The following PTPN14 variants were observed in gnomAD, a reference collection of about 807,000 sequenced individuals.
PTPN14 encodes the protein protein tyrosine phosphatase non-receptor type 14.
Under a neutral mutation model 126.8 loss-of-function variants are expected in PTPN14, and 53 were observed. The observed-to-expected ratio is 0.42, with a 90% CI of 0.34 to 0.53. The LOEUF is 0.53. Among genes scored for constraint, PTPN14 ranks in the 20% least tolerant of loss-of-function variants. The probability of loss-of-function intolerance (pLI) is 0.08; values close to 1 mark genes in which losing one functional copy is unlikely to be tolerated. For synonymous variants in PTPN14, 630 were observed against 599.3 expected, an observed-to-expected ratio of 1.05 and a Z score of -0.75; for missense variants, 1,257 against 1,552.9, an observed-to-expected ratio of 0.81 and a Z score of 3.20.
At chr1:214,532,489 T>C in intron 1 of PTPN14, 2 of 879,778 alleles carry the variant, frequency 2.3e-6, no homozygotes, top group South Asian at 2.6e-5. Context: ...AGCCTGGAGA[T>C]CGAGAACTGG....
At chr1:214,411,886 C>T in intron 4 of PTPN14, 135 bp from the exon 5 acceptor site, 1 of 505,950 alleles carries the variant, frequency 2.0e-6, no homozygotes. Flanking sequence ...AAAATAGTGC[C>T]AAGATATGTT....
intron 1 of PTPN14, among the ~76,000 whole-genome samples, chr1:214,490,589 T>C (rs889045515): frequency 1.3e-5 from 2 of 151,836 alleles, no homozygotes; most frequent in South Asian, 4.2e-4. Context: ...GTAATCTCAA[T>C]ACTTTGGGAG....
At chr1:214,379,116 G>A (rs1430337861) in intron 13 of PTPN14, among the ~76,000 whole-genome samples, 2 of 152,170 alleles carry the variant, frequency 1.3e-5, no homozygotes, top group African/African-American at 4.8e-5. Context: ...TGTCTTTGAA[G>A]TTAAGGGAAG....
chr1:214,363,159 C>T (rs1410588050), intron 18 of PTPN14, among the ~76,000 whole-genome samples: 2 of 152,232 alleles, frequency 1.3e-5, no homozygotes, highest in Non-Finnish European at 2.9e-5. Flanking sequence ...TCAACTGATT[C>T]CATGATGAAC....
intron 3 of PTPN14, among the ~76,000 whole-genome samples, chr1:214,441,452 A>G (rs1277140041): frequency 2.0e-5 from 3 of 152,192 alleles, no homozygotes; most frequent in African/African-American, 7.2e-5. Flanking sequence ...TGGATGTAGC[A>G]CATCTGTCAC....
chr1:214,470,862 T>C (rs1295924279), intron 1 of PTPN14, among the ~76,000 whole-genome samples: 2 of 124,800 alleles, frequency 1.6e-5, no homozygotes, highest in Non-Finnish European at 3.3e-5. Flanking sequence ...AAAAAAAATA[T>C]ATATATATAA....
At chr1:214,453,709 G>A (rs966668255) in intron 2 of PTPN14, among the ~76,000 whole-genome samples, 3 of 152,114 alleles carry the variant, frequency 2.0e-5, no homozygotes, top group African/African-American at 7.2e-5. Flanking sequence ...TTTTTCATCA[G>A]CACTACTGAC....
At chr1:214,466,474 T>G (rs960378249) in intron 1 of PTPN14, among the ~76,000 whole-genome samples, 1 of 152,350 alleles carries the variant, frequency 6.6e-6, no homozygotes, top group East Asian at 1.9e-4. Flanking sequence ...CAAGACTTAC[T>G]GACACCCTGA....
At chr1:214,434,182 T>C (rs997035175) in intron 3 of PTPN14, among the ~76,000 whole-genome samples, 3 of 152,004 alleles carry the variant, frequency 2.0e-5, no homozygotes, top group African/African-American at 4.8e-5. Context: ...TTGAGCTGTA[T>C]TGCACAGCAA....
intron 1 of PTPN14, among the ~76,000 whole-genome samples, chr1:214,544,870 G>A (rs1655930491): frequency 6.6e-6 from 1 of 151,962 alleles, no homozygotes; most frequent in Admixed American, 6.6e-5. Flanking sequence ...GAAAAAAGAG[G>A]AGGGAAGGGG....
intron 3 of PTPN14, among the ~76,000 whole-genome samples, chr1:214,430,206 C>T (rs887973621): frequency 6.6e-6 from 1 of 152,122 alleles, no homozygotes; most frequent in African/African-American, 2.4e-5. Flanking sequence ...TCACACTTTC[C>T]GCTCATCCAT....
chr1:214,491,059 C>T lies in PTPN14; in HGVS notation c.-154-26102G>A, dbSNP rs985355619. On this transcript the variant is annotated intron_variant, in intron 1 of 18. Transcript: ENST00000366956. ...GAAGAAAGAAAGAAAGAAAGAAAAA[C>T]AAAGAAAGAAAGAAAGAGAAAGAAA... 2.7e-5 allele frequency among the ~76,000 whole-genome samples: 4 copies of T among 149,998 alleles called. No individual in the cohort carries two copies. The South Asian group carries it at 6.3e-4, about 24-fold the overall frequency.
intron 4 of PTPN14, 26 bp downstream of exon 4, chr1:214,414,603 A>T (rs776461930): frequency 6.3e-7 from 1 of 1,584,142 alleles, no homozygotes; most frequent in Non-Finnish European, 8.7e-7. Context: ...ATGGAATTTC[A>T]CATGCTGCTC....
chr1:214,521,460 C>T (rs1384337300), intron 1 of PTPN14, among the ~76,000 whole-genome samples: 1 of 152,230 alleles, frequency 6.6e-6, no homozygotes. Flanking sequence ...CGCCTATAAT[C>T]CCAGCACTTT....
At chr1:214,472,617 T>C (rs1660783774) in intron 1 of PTPN14, among the ~76,000 whole-genome samples, 1 of 152,214 alleles carries the variant, frequency 6.6e-6, no homozygotes, top group South Asian at 2.1e-4. Flanking sequence ...TCAGTGACTC[T>C]TCAAATCATT....
At chr1:214,374,806 A>G (rs925544360) in intron 15 of PTPN14, among the ~76,000 whole-genome samples, 11 of 152,248 alleles carry the variant, frequency 7.2e-5, no homozygotes, top group African/African-American at 2.7e-4. Flanking sequence ...CAGTTTATAC[A>G]AAGTGACAGC....
At chr1:214,483,896 G>C (rs2102679028) in intron 1 of PTPN14, among the ~76,000 whole-genome samples, 1 of 152,294 alleles carries the variant, frequency 6.6e-6, no homozygotes, top group African/African-American at 2.4e-5. Context: ...AAAACACAGA[G>C]CAGGCCAGTT....
At chr1:214,486,863 A>G (rs1246530426) in intron 1 of PTPN14, among the ~76,000 whole-genome samples, 5 of 152,168 alleles carry the variant, frequency 3.3e-5, no homozygotes, top group African/African-American at 4.8e-5. Context: ...AGATGTTTAC[A>G]TGGCATATCC....
In PTPN14 at chr1:214,464,830, G is replaced by A; in HGVS notation, c.-27C>T. 1.2e-6 allele frequency: 2 copies of A among 1,609,434 alleles called. No individual in the cohort carries two copies. The highest frequency in any genetic ancestry group is 1.7e-6 in the Non-Finnish European group (2 of 1,176,244). On this transcript the variant is annotated 5_prime_UTR_variant, in exon 2 of 19. Transcript: ENST00000366956. Reference sequence around the variant, plus strand: ...GCTATGTGGTCCTCGGACGCCGCCCGCCTATCCTGGCGCACACGCCCCTGA... The same window carrying A: ...GCTATGTGGTCCTCGGACGCCGCCCACCTATCCTGGCGCACACGCCCCTGA...
Sources: allele counts gnomAD v4.1 joint callset (sites outside exome capture counted in the v4.1 genomes callset), GRCh38; gene constraint gnomAD v4.1.1; transcripts MANE v1.5; gene names NCBI Gene and HGNC (gene_info 2026-07-23, HGNC 2026-07-21).